Variants in CCSER1 observed in about 807,000 individuals in gnomAD.
The protein encoded by CCSER1 is coiled-coil serine rich protein 1, also known as serine-rich coiled-coil domain-containing protein 1.
Under a neutral mutation model 82.0 loss-of-function variants are expected in CCSER1, and 41 were observed. The ratio of observed to expected loss-of-function variants is 0.50; its 90% confidence interval spans 0.39 to 0.65. The LOEUF (loss-of-function observed/expected upper bound fraction) is 0.65, where lower values mean the gene tolerates loss of function less well. Ranked by LOEUF, CCSER1 falls within the 30% of genes least tolerant of loss-of-function variation. The pLI is 0.00. For missense variants in CCSER1, 1,119 were observed against 1,064.2 expected (o/e 1.05, Z -0.72); for synonymous variants, 414 against 383.9 (o/e 1.08, Z -0.92).
rs73832729 is a variant in CCSER1 at position 90,244,270 on chromosome 4, G to A, written c.-41-63974G>A. ...GTAAGATGCTTAATGGACTCATGGA[G>A]TTTCTAAACTTGGCAAGATGAGTCT... On this transcript the variant is annotated intron_variant, in intron 1 of 10. Coordinates refer to ENST00000509176, the MANE Select transcript of CCSER1 (RefSeq NM_001145065.2). 8.2e-3 allele frequency among the ~76,000 whole-genome samples: 1,244 copies of A among 152,294 alleles called. 15 individuals are homozygous for A. The highest frequency in any genetic ancestry group is 0.028 in the African/African-American group (1,183 of 41,564).
intron 5 of CCSER1, among the ~76,000 whole-genome samples, chr4:90,483,790 C>T (rs1207954568): frequency 3.3e-5 from 5 of 152,210 alleles, no homozygotes; most frequent in Non-Finnish European, 7.3e-5. Flanking sequence ...ACCTTTCTCT[C>T]TGGCTGCCCT....
chr4:91,099,035 T>C (rs78202185), intron 10 of CCSER1, among the ~76,000 whole-genome samples: 13 of 152,344 alleles, frequency 8.5e-5, no homozygotes, highest in African/African-American at 3.1e-4. Context: ...TATAGCCTTG[T>C]GCATTGAATA....
chr4:90,544,320 G>C (rs990993350), intron 5 of CCSER1, among the ~76,000 whole-genome samples: 2 of 152,096 alleles, frequency 1.3e-5, no homozygotes, highest in Non-Finnish European at 2.9e-5. Context: ...CTGCCTGGAT[G>C]AATAGAACTC....
At chr4:90,147,419 A>G (rs956238382) in intron 1 of CCSER1, among the ~76,000 whole-genome samples, 3 of 152,186 alleles carry the variant, frequency 2.0e-5, no homozygotes, top group African/African-American at 2.4e-5. Context: ...TCCATTATAA[A>G]TGAGACTTTA....
intron 6 of CCSER1, among the ~76,000 whole-genome samples, chr4:90,640,516 G>A (rs1264583441): frequency 6.6e-6 from 1 of 152,004 alleles, no homozygotes; most frequent in East Asian, 1.9e-4. Context: ...ACTTAATACT[G>A]CAGAATAAAT....
intron 9 of CCSER1, among the ~76,000 whole-genome samples, chr4:90,976,549 C>A (rs1207938263): frequency 1.3e-5 from 2 of 150,852 alleles, no homozygotes; most frequent in African/African-American, 4.9e-5. Context: ...TCTGGAAATC[C>A]ACCTTAAAAT....
chr4:90,466,568 C>T (rs1168583590), intron 4 of CCSER1, among the ~76,000 whole-genome samples: 1 of 152,148 alleles, frequency 6.6e-6, no homozygotes. Context: ...CCCAGTTGAG[C>T]CCATCTGGAC....
At chr4:90,798,788 A>G (rs1362223430) in intron 7 of CCSER1, among the ~76,000 whole-genome samples, 4 of 151,888 alleles carry the variant, frequency 2.6e-5, no homozygotes, top group Admixed American at 2.0e-4. Flanking sequence ...ATGTGCTCTC[A>G]CTCTGGGGGC....
At position 90,448,465 on chromosome 4, in the gene CCSER1, A is replaced by ATATATATATC. The variant is rs1196642466; in HGVS notation, c.1604-19760_1604-19759insCTATATATAT. Reference sequence around the variant, plus strand: ...ATTGAATATATATATATATATATATATATATATATATATATATATAGCACT... The same window carrying ATATATATATC: ...ATTGAATATATATATATATATATATATATATATATCTATATATATATATATATATAGCACT... On this transcript the variant is annotated intron_variant, in intron 4 of 10. Coordinates refer to ENST00000509176, the MANE Select transcript of CCSER1 (RefSeq NM_001145065.2). 1.3e-4 allele frequency among the ~76,000 whole-genome samples: 15 copies of ATATATATATC among 113,694 alleles called. No individual in the cohort carries two copies. In the South Asian group the frequency reaches 2.8e-3, roughly 21 times the overall value. The allele number at this position is 113,694 out of a possible 152,430, so 74.6% of individuals were successfully genotyped here.
chr4:90,216,476 ACAGT>A (rs1439328682), intron 1 of CCSER1, among the ~76,000 whole-genome samples: 2 of 152,210 alleles, frequency 1.3e-5, no homozygotes, highest in Non-Finnish European at 2.9e-5. Context: ...CAAAACTGTG[ACAGT>A]CAGAGCAACT....
At chr4:91,060,504 ATG>A (rs1561512224) in intron 9 of CCSER1, among the ~76,000 whole-genome samples, 1 of 147,796 alleles carries the variant, frequency 6.8e-6, no homozygotes, top group Non-Finnish European at 1.5e-5. Flanking sequence ...CATTAGAATT[ATG>A]TGTCCACTGG....
At chr4:91,210,949 A>T (rs1211837392) in intron 10 of CCSER1, among the ~76,000 whole-genome samples, 1 of 152,018 alleles carries the variant, frequency 6.6e-6, no homozygotes, top group African/African-American at 2.4e-5. Context: ...CATCAGGTTG[A>T]CAACTTATTC....
chr4:91,285,247 GTTTT>G (rs35662705), intron 10 of CCSER1, among the ~76,000 whole-genome samples: 2 of 133,536 alleles, frequency 1.5e-5, no homozygotes, highest in Admixed American at 7.6e-5. Flanking sequence ...ACTTCAATGG[GTTTT>G]TTTTTTTTTT....
At chr4:90,444,025 G>T (rs1045068657) in intron 4 of CCSER1, among the ~76,000 whole-genome samples, 1 of 151,984 alleles carries the variant, frequency 6.6e-6, no homozygotes, top group Non-Finnish European at 1.5e-5. Flanking sequence ...TTGTGAATTT[G>T]TGTTTTGGGA....
At chr4:90,657,336 T>C (rs1283483276) in intron 6 of CCSER1, among the ~76,000 whole-genome samples, 1 of 152,170 alleles carries the variant, frequency 6.6e-6, no homozygotes, top group Non-Finnish European at 1.5e-5. Context: ...TGGCGTCTTT[T>C]AACCTTTTTC....
At chr4:91,399,704 G>C (rs1054956849) in intron 10 of CCSER1, among the ~76,000 whole-genome samples, 1 of 151,754 alleles carries the variant, frequency 6.6e-6, no homozygotes, top group African/African-American at 2.4e-5. Context: ...TTCTTTTGTA[G>C]CCTTAGTTTT....
intron 8 of CCSER1, among the ~76,000 whole-genome samples, chr4:90,829,691 T>C (rs1561209963): frequency 6.6e-6 from 1 of 152,142 alleles, no homozygotes; most frequent in Non-Finnish European, 1.5e-5. Flanking sequence ...GAAAATTTGC[T>C]TGGAAGGGAC....
At chr4:91,282,355 G>C (rs1285109635) in intron 10 of CCSER1, among the ~76,000 whole-genome samples, 2 of 152,126 alleles carry the variant, frequency 1.3e-5, no homozygotes, top group Non-Finnish European at 2.9e-5. Flanking sequence ...GTCTATTCAA[G>C]ATTCTGTCTT....
chr4:91,471,206 T>C (rs1232679449), intron 10 of CCSER1, among the ~76,000 whole-genome samples: 1 of 152,208 alleles, frequency 6.6e-6, no homozygotes, highest in Non-Finnish European at 1.5e-5. Flanking sequence ...AATGTTAAGA[T>C]GTAATGCATC....
Sources: allele counts gnomAD v4.1 joint callset (sites outside exome capture counted in the v4.1 genomes callset), GRCh38; gene constraint gnomAD v4.1.1; transcripts MANE v1.5; gene names NCBI Gene and HGNC (gene_info 2026-07-23, HGNC 2026-07-21).